ADAMTS15: variants seen among roughly 807,000 people sequenced by gnomAD.
ADAMTS15 encodes the protein A disintegrin and metalloproteinase with thrombospondin motifs 15.
A neutral mutation model predicts 79.1 loss-of-function variants in ADAMTS15; 35 were observed. That is an observed-to-expected ratio of 0.44 (90% CI 0.34 to 0.59). ADAMTS15 has a LOEUF of 0.59. Ranked by LOEUF, ADAMTS15 falls within the 20% of genes least tolerant of loss-of-function variation. ADAMTS15 has a pLI of 0.02. For missense variants in ADAMTS15, 1,324 were observed against 1,318.7 expected (o/e 1.00, Z -0.06); for synonymous variants, 616 against 567.3 (o/e 1.09, Z -1.22).
chr11:130,449,826 G>A lies in ADAMTS15; in HGVS notation c.853G>A (p.Ala285Thr). ...CTCCGGGCCCAAGGTCACCGGCAAT[G>A]CGGCCCTGACGCTGCGCAACTTCTG... ...RDSGPKVTGN[A>T]ALTLRNFCAW... Residue 285 changes from alanine (A) to threonine (T), a missense_variant, in exon 1 of 8, where the codon GCG becomes ACG. Transcript: ENST00000299164. This position sits in a 1 kb window ranked among gnomAD's most constrained non-coding sequence, Gnocchi z 7.8. 1 of 1,609,966 alleles carries A rather than the reference G, an allele frequency of 6.2e-7. No individual in the cohort carries two copies. Among genetic ancestry groups the A allele is most frequent in the Middle Eastern group, 1.6e-4 (1 of 6,062 alleles).
Position 130,472,305 on chromosome 11 carries a change from C to G in ADAMTS15, c.2079-742C>G, listed in dbSNP as rs902928099. Among the ~76,000 whole-genome samples the G allele has an allele frequency of 6.6e-6, 1 of 152,150 alleles. No homozygotes were observed. The highest frequency in any genetic ancestry group is 2.4e-5 in the African/African-American group (1 of 41,412). ...GGGTGGTGATGCGAAGGGAGGATGC[C>G]CAGCCCTGTCTCTGGGAGCTCGGGC... On this transcript the variant is annotated intron_variant, in intron 7 of 7. Coordinates refer to ENST00000299164, the MANE Select transcript of ADAMTS15 (RefSeq NM_139055.4). This position sits in a 1 kb window ranked among gnomAD's most constrained non-coding sequence, Gnocchi z 4.7.
chr11:130,471,176 T>C, intron 6 of ADAMTS15, 32 bp from the exon 7 acceptor site: 1 of 1,585,534 alleles, frequency 6.3e-7, no homozygotes, highest in Non-Finnish European at 8.6e-7. Context: ...TGCCCTGCTC[T>C]TCCTTCTTTT....
chr11:130,467,223 T>A lies in ADAMTS15; in HGVS notation c.1543-2039T>A, dbSNP rs191649736. ...AAGAAGAATTGGGGATCTTGAGGCC[T>A]AGGCACACTCTTTCAGTCTTCTGAT... On this transcript the variant is annotated intron_variant, in intron 4 of 7. Coordinates refer to ENST00000299164, the MANE Select transcript of ADAMTS15 (RefSeq NM_139055.4). Among the ~76,000 whole-genome samples the A allele has an allele frequency of 8.6e-5, 13 of 151,674 alleles. No individual in the cohort carries two copies. In the East Asian group the frequency reaches 2.5e-3, roughly 30 times the overall value.
chr11:130,449,110 A>C lies in ADAMTS15; in HGVS notation c.137A>C (p.Glu46Ala), dbSNP rs1937894215. ...CGCCGCTACTACTGGCGGGGTCCCG[A>C]GGACTCCGGGGATCAGGGACTCATT... The part of the protein sequence containing the change: ...NGRRYYWRGP[E>A]DSGDQGLIFQ... The change falls in exon 1 of 8, where the codon GAG becomes GCG. Residue 46 changes from glutamate to alanine, a missense_variant. Glu to Ala is a moderately radical substitution (Grantham distance 107). Coordinates refer to ENST00000299164, the MANE Select transcript of ADAMTS15 (RefSeq NM_139055.4). The surrounding 1 kb of genome is among the most constrained non-coding windows in gnomAD (Gnocchi z 7.8). 1.3e-6 allele frequency: 2 copies of C among 1,585,306 alleles called. No individual in the cohort carries two copies. The highest frequency in any genetic ancestry group is 1.7e-6 in the Non-Finnish European group (2 of 1,161,762).
At chr11:130,456,217 A>T (rs1053069390) in intron 1 of ADAMTS15, among the ~76,000 whole-genome samples, 10 of 152,214 alleles carry the variant, frequency 6.6e-5, no homozygotes, top group African/African-American at 2.4e-4. Context: ...CACAGTAGCC[A>T]GTCAGTAACT....
intron 1 of ADAMTS15, chr11:130,450,193 G>A (rs1937934868): frequency 3.0e-6 from 3 of 985,364 alleles, no homozygotes; most frequent in Non-Finnish European, 3.6e-6. Flanking sequence ...AGCGCCTCCT[G>A]GATCAGGCGC....
rs770337842 is a variant in ADAMTS15, at chr11:130,449,447, G to C, written c.474G>C (p.Gln158His). The change falls in exon 1 of 8, where the codon CAG becomes CAC. Residue 158 changes from glutamine to histidine, a missense_variant. Coordinates refer to ENST00000299164, the MANE Select transcript of ADAMTS15 (RefSeq NM_139055.4). The surrounding 1 kb of genome is among the most constrained non-coding windows in gnomAD (Gnocchi z 7.8). ...QRNSQGAHLL[Q>H]RRGVPGGPSG... ...ACAGCCAGGGCGCACACCTTCTCCA[G>C]CGCCGGGGTGTTCCGGGCGGGCCTT... 2 of 1,584,030 alleles carry C rather than the reference G, an allele frequency of 1.3e-6. No homozygotes were observed. Among genetic ancestry groups the C allele is most frequent in the East Asian group, 2.2e-5 (1 of 44,492 alleles).
At chr11:130,469,768 C>T (rs1025795167) in intron 5 of ADAMTS15, among the ~76,000 whole-genome samples, 1 of 152,052 alleles carries the variant, frequency 6.6e-6, no homozygotes, top group African/African-American at 2.4e-5. Context: ...ACTAGAAGTC[C>T]TCTTATCTGA....
At position 130,462,192 on chromosome 11, in the gene ADAMTS15, G is replaced by A. The variant is rs200077954; in HGVS notation, c.1196G>A (p.Arg399His). 12 of 1,614,180 alleles carry A rather than the reference G, an allele frequency of 7.4e-6. No individual in the cohort carries two copies. The highest frequency in any genetic ancestry group is 4.0e-5 in the African/African-American group (3 of 75,044). Residue 399 changes from arginine to histidine, a missense_variant, in exon 3 of 8, where the codon CGT becomes CAT. Coordinates refer to ENST00000299164, the MANE Select transcript of ADAMTS15 (RefSeq NM_139055.4). The surrounding 1 kb of genome is among the most constrained non-coding windows in gnomAD (Gnocchi z 4.3). ...TCCCCGACCCTCATCCAGATCGACC[G>A]TGCCAACCCCTGGTCAGCCTGCAGT... is the stretch of plus-strand genomic sequence containing the variant. Reference protein sequence around the residue: ...MMSPTLIQIDRANPWSACSAA... With the variant: ...MMSPTLIQIDHANPWSACSAA...
intron 5 of ADAMTS15, among the ~76,000 whole-genome samples, chr11:130,470,186 G>GTGTATATA (rs1565397851): frequency 3.0e-5 from 2 of 67,178 alleles, no homozygotes; most frequent in East Asian, 3.3e-4. Context: ...ATATATGTGT[G>GTGTATATA]TATATATATA....
At position 130,449,914 on chromosome 11, in the gene ADAMTS15, T is replaced by G; in HGVS notation, c.941T>G (p.Ile314Ser). 2 of 1,599,474 alleles carry G rather than the reference T, an allele frequency of 1.3e-6. No homozygotes were observed. Among genetic ancestry groups the G allele is most frequent in the Non-Finnish European group, 1.7e-6 (2 of 1,179,586 alleles). The change falls in exon 1 of 8, where the codon ATC becomes AGC. Residue 314 changes from isoleucine to serine, a missense_variant. By Grantham distance (142) the Ile-to-Ser change is moderately radical. Coordinates refer to ENST00000299164, the MANE Select transcript of ADAMTS15 (RefSeq NM_139055.4). The surrounding 1 kb of genome is among the most constrained non-coding windows in gnomAD (Gnocchi z 7.8). ...DKHPEYWDTA[I>S]LFTRQDLCGA... Reference sequence around the variant, plus strand: ...CACCCCGAGTACTGGGACACTGCCATCCTCTTCACCAGGCAGGTGAGTTGA... The same window carrying G: ...CACCCCGAGTACTGGGACACTGCCAGCCTCTTCACCAGGCAGGTGAGTTGA...
rs757539029 is a variant in ADAMTS15, at chr11:130,449,337, G to C, written c.364G>C (p.Gly122Arg). 5 of 1,608,534 alleles carry C rather than the reference G, an allele frequency of 3.1e-6. No homozygotes were observed. Among genetic ancestry groups the C allele is most frequent in the Non-Finnish European group, 4.2e-6 (5 of 1,180,010 alleles). The change falls in exon 1 of 8, where the codon GGG becomes CGG. Residue 122 changes from glycine (G) to arginine (R), a missense_variant. Physicochemically the swap from Gly to Arg is moderately radical, Grantham distance 125. Transcript: ENST00000299164. The surrounding 1 kb of genome is among the most constrained non-coding windows in gnomAD (Gnocchi z 7.8). ...GTTCGCTGCTGTGAGCCTGTGCGGGGGGCTCCGCGGAGCCTTTGGCTACCG... is the reference window on the plus strand; with the variant it reads ...GTTCGCTGCTGTGAGCCTGTGCGGGCGGCTCCGCGGAGCCTTTGGCTACCG... ...DSFAAVSLCG[G>R]LRGAFGYRGA...
In ADAMTS15 at chr11:130,473,709, A is replaced by G; in HGVS notation, c.2741A>G (p.Gln914Arg). Residue 914 changes from glutamine to arginine, a missense_variant, in exon 8 of 8, where the codon CAG becomes CGG. Gln to Arg is a conservative substitution (Grantham distance 43). Transcript: ENST00000299164. ...PCSKSCGRGF[Q>R]RRSLKCVGHG... ...TCCAAGAGCTGCGGCCGGGGATTTC[A>G]GAGGCGCTCACTCAAGTGTGTGGGC... 1 of 1,600,680 alleles carries G rather than the reference A, an allele frequency of 6.2e-7. No individual in the cohort carries two copies. Among genetic ancestry groups the G allele is most frequent in the Non-Finnish European group, 8.5e-7 (1 of 1,179,894 alleles).
Position 130,449,706 on chromosome 11 carries a change from C to T in ADAMTS15, c.733C>T (p.Leu245=), listed in dbSNP as rs748006601. The part of the protein sequence containing the change: ...GADLEHYLLT[L]LATAARLYRH... ...GGACCTGGAACATTATCTGCTGACGCTGCTGGCAACGGCGGCGCGACTCTA... is the reference window on the plus strand; with the variant it reads ...GGACCTGGAACATTATCTGCTGACGTTGCTGGCAACGGCGGCGCGACTCTA... The change falls in exon 1 of 8, where the codon CTG becomes TTG. Residue 245 remains leucine, a synonymous_variant. Coordinates refer to ENST00000299164, the MANE Select transcript of ADAMTS15 (RefSeq NM_139055.4). This position sits in a 1 kb window ranked among gnomAD's most constrained non-coding sequence, Gnocchi z 7.8. 8 of 1,611,004 alleles carry T rather than the reference C, an allele frequency of 5.0e-6. No homozygotes were observed. The East Asian group carries it at 6.7e-5, about 13-fold the overall frequency.
In ADAMTS15 at chr11:130,472,152, A is replaced by G. The variant is rs1478784107; in HGVS notation, c.2078+769A>G. 6.6e-6 allele frequency among the ~76,000 whole-genome samples: 1 copy of G among 152,206 alleles called. No individual in the cohort carries two copies. Among genetic ancestry groups the G allele is most frequent in the Non-Finnish European group, 1.5e-5 (1 of 68,034 alleles). On this transcript the variant is annotated intron_variant, in intron 7 of 7. Coordinates refer to ENST00000299164, the MANE Select transcript of ADAMTS15 (RefSeq NM_139055.4). The surrounding 1 kb of genome is among the most constrained non-coding windows in gnomAD (Gnocchi z 4.7). The stretch of plus-strand genomic sequence containing the variant: ...GGGTAGGCAGGGCACCTGAGGTCCC[A>G]GTTAGGGGTGGAGGCTATGGTTGGC...
Position 130,462,393 on chromosome 11 carries a change from A to G in ADAMTS15, c.1259-104A>G. 6.7e-7 allele frequency: 1 copy of G among 1,498,956 alleles called. No homozygotes were observed. Among genetic ancestry groups the G allele is most frequent in the Non-Finnish European group, 9.0e-7 (1 of 1,115,230 alleles). The allele number at this position is 1,498,956 out of a possible 1,614,324, so 92.9% of individuals were successfully genotyped here. ...CGGAGCCGGGCTCTGACATGAGTGC[A>G]TTCCTGTTGCCCTTGGTTCATTATC... On this transcript the variant is annotated intron_variant, in intron 3 of 7. Transcript: ENST00000299164. The surrounding 1 kb of genome is among the most constrained non-coding windows in gnomAD (Gnocchi z 4.3).
chr11:130,453,298 G>A (rs1447168834), intron 1 of ADAMTS15, among the ~76,000 whole-genome samples: 1 of 149,032 alleles, frequency 6.7e-6, no homozygotes, highest in African/African-American at 2.5e-5. Context: ...TTTTTTTTAG[G>A]ACTTGTAGTT....
Position 130,449,496 on chromosome 11 carries a change from G to T in ADAMTS15, c.523G>T (p.Gly175Trp). Residue 175 changes from glycine to tryptophan, a missense_variant, in exon 1 of 8, where the codon GGG becomes TGG. By Grantham distance (184) the Gly-to-Trp change is radical. Coordinates refer to ENST00000299164, the MANE Select transcript of ADAMTS15 (RefSeq NM_139055.4). The surrounding 1 kb of genome is among the most constrained non-coding windows in gnomAD (Gnocchi z 7.8). Reference protein sequence around the residue: ...GPSGDPTSRCGVASGWNPAIL... With the variant: ...GPSGDPTSRCWVASGWNPAIL... ...TTCCGGAGACCCCACCTCTCGCTGC[G>T]GGGTGGCCTCGGGCTGGAACCCCGC... The T allele has an allele frequency of 6.4e-7, 1 of 1,556,608 alleles. No individual in the cohort carries two copies. Among genetic ancestry groups the T allele is most frequent in the Non-Finnish European group, 8.7e-7 (1 of 1,153,704 alleles).
rs1938200774 is a variant in ADAMTS15 at position 130,461,607 on chromosome 11, C to G, written c.1076C>G (p.Thr359Ser). Residue 359 changes from threonine (T) to serine (S), a missense_variant, in exon 2 of 8, where the codon ACT becomes AGT. Thr to Ser is a moderately conservative substitution (Grantham distance 58, BLOSUM62 1). Coordinates refer to ENST00000299164, the MANE Select transcript of ADAMTS15 (RefSeq NM_139055.4). ...GATGGGCTTCCATCAGCCTTCACCA[C>G]TGCCCACGAGCTGGGTAAGGCTGGA... ...EDDGLPSAFT[T>S]AHELGHVFNM... 1 of 1,614,058 alleles carries G rather than the reference C, an allele frequency of 6.2e-7. No individual in the cohort carries two copies. Among genetic ancestry groups the G allele is most frequent in the Admixed American group, 1.7e-5 (1 of 60,006 alleles).
Sources: gnomAD v4.1 joint callset for allele counts (sites outside exome capture counted in the v4.1 genomes callset) on GRCh38, gnomAD v4.1.1 for gene constraint, Gnocchi (gnomAD v3.1) non-coding constraint, MANE v1.5 for transcripts, NCBI Gene and HGNC (gene_info 2026-07-23, HGNC 2026-07-21) for gene names.